DHRS3: variants seen among roughly 807,000 people sequenced by gnomAD.
The protein encoded by DHRS3 is short-chain dehydrogenase/reductase 3.
Under a neutral mutation model 27.2 loss-of-function variants are expected in DHRS3, and 14 were observed. The observed-to-expected ratio is 0.52, with a 90% CI of 0.34 to 0.81. The LOEUF is 0.81. DHRS3 is among the 30% of genes least tolerant of loss of function. The pLI is 0.01. For synonymous variants in DHRS3, 165 were observed against 175.9 expected (o/e 0.94, Z 0.49); for missense variants, 322 against 406.2 (o/e 0.79, Z 1.78).
At chr1:12,568,664 G>A (rs778248051) in intron 5 of DHRS3, among the ~76,000 whole-genome samples, 2 of 152,282 alleles carry the variant, frequency 1.3e-5, no homozygotes, top group East Asian at 3.9e-4. Flanking sequence ...GGTGGCTCAT[G>A]TCTATAATCC....
At chr1:12,579,538 C>A (rs1646625769) in intron 2 of DHRS3, 126 bp from the exon 3 acceptor site, 1 of 1,390,552 alleles carries the variant, frequency 7.2e-7, no homozygotes, top group Non-Finnish European at 9.5e-7. Flanking sequence ...TGCAGTGGCA[C>A]CATCTCGGCT....
chr1:12,599,354 G>A (rs1017738726), intron 1 of DHRS3, among the ~76,000 whole-genome samples: 6 of 152,218 alleles, frequency 3.9e-5, no homozygotes, highest in African/African-American at 1.2e-4. Flanking sequence ...CAGTTGAGGC[G>A]GGAATTTTCC....
Position 12,568,308 on chromosome 1 carries a change from C to T in DHRS3, c.*32G>A, listed in dbSNP as rs763998461. On this transcript the variant is annotated 3_prime_UTR_variant, in exon 6 of 6. Transcript: ENST00000616661. ...CCCAGGTGCTGTGGCCCCCAAACTCCGTGGCTCCTCAAGCATGTCTTCATC... is the reference window on the plus strand; with the variant it reads ...CCCAGGTGCTGTGGCCCCCAAACTCTGTGGCTCCTCAAGCATGTCTTCATC... 2.5e-5 allele frequency: 40 copies of T among 1,604,160 alleles called. No homozygotes were observed. The highest frequency in any genetic ancestry group is 3.3e-4 in the Middle Eastern group (2 of 6,060).
At chr1:12,587,141 C>CT (rs564825355) in intron 1 of DHRS3, among the ~76,000 whole-genome samples, 7,714 of 132,280 alleles carry the variant, frequency 0.058, 823 homozygotes, top group African/African-American at 0.19. Flanking sequence ...CAACTCTAAA[C>CT]TTTTTTTTTT....
chr1:12,582,829 G>A (rs535120707), intron 1 of DHRS3, among the ~76,000 whole-genome samples: 50 of 145,780 alleles, frequency 3.4e-4, no homozygotes, highest in African/African-American at 1.2e-3. Context: ...TCCCTCCCTC[G>A]TCTACCCAAC....
intron 1 of DHRS3, among the ~76,000 whole-genome samples, chr1:12,615,427 T>C (rs1389170596): frequency 6.6e-6 from 1 of 152,208 alleles, no homozygotes; most frequent in Non-Finnish European, 1.5e-5. Flanking sequence ...TAGGTGGGGT[T>C]TGGTTCCCGG....
intron 1 of DHRS3, among the ~76,000 whole-genome samples, chr1:12,582,828 C>T (rs948830323): frequency 3.3e-5 from 5 of 150,902 alleles, no homozygotes; most frequent in Non-Finnish European, 5.9e-5. Flanking sequence ...ATCCCTCCCT[C>T]GTCTACCCAA....
intron 1 of DHRS3, among the ~76,000 whole-genome samples, chr1:12,601,262 A>G (rs1057091061): frequency 6.6e-6 from 1 of 152,080 alleles, no homozygotes; most frequent in Non-Finnish European, 1.5e-5. Flanking sequence ...GAGTCTGGCC[A>G]TGACCCACAG....
Position 12,617,683 on chromosome 1 carries a change from G to T in DHRS3, c.-335C>A. ...TTCGGCTGGGGAATTCTCAGGTAAT[G>T]TTTACAGACTGACAGAGGAGTTTAG... On this transcript the variant is annotated 5_prime_UTR_variant, in exon 1 of 6. Transcript: ENST00000616661. 1 of 165,984 alleles carries T rather than the reference G, an allele frequency of 6.0e-6. No homozygotes were observed. Among genetic ancestry groups the T allele is most frequent in the Non-Finnish European group, 1.2e-5 (1 of 84,028 alleles). The allele number at this position is 165,984 out of a possible 1,614,324, so 10.3% of individuals were successfully genotyped here.
rs769618662 is a variant in DHRS3 at position 12,580,623 on chromosome 1, G to A, written c.239C>T (p.Thr80Met). The change falls in exon 2 of 6, where the codon ACG becomes ATG. Residue 80 changes from threonine to methionine, a missense_variant. Transcript: ENST00000616661. ...AGTGCCCATCTGCCGGATCTCCTCC[G>A]TCGTCTCCTTCAGGCATTTCTCAGT... ...GRTEKCLKET[T>M]EEIRQMGTEC... The A allele has an allele frequency of 1.1e-5, 17 of 1,614,036 alleles. No homozygotes were observed. The South Asian group carries it at 1.2e-4, about 11-fold the overall frequency.
At chr1:12,595,467 T>G (rs1270750345) in intron 1 of DHRS3, among the ~76,000 whole-genome samples, 3 of 101,066 alleles carry the variant, frequency 3.0e-5, no homozygotes, top group African/African-American at 1.1e-4. Context: ...GGGATCGGGC[T>G]GGGATCCCAA....
At chr1:12,615,808 G>C (rs189068364) in intron 1 of DHRS3, among the ~76,000 whole-genome samples, 34 of 152,298 alleles carry the variant, frequency 2.2e-4, no homozygotes, top group African/African-American at 7.0e-4. Flanking sequence ...GAACAACTCT[G>C]ACTTCCCCTT....
chr1:12,616,707 G>A (rs1646946931), intron 1 of DHRS3: 1 of 1,008,540 alleles, frequency 9.9e-7, no homozygotes, highest in Non-Finnish European at 1.2e-6. Context: ...CCCAGGTTGG[G>A]GCTGGGTAGC....
intron 1 of DHRS3, among the ~76,000 whole-genome samples, chr1:12,582,869 C>G (rs1424208780): frequency 6.7e-6 from 1 of 150,022 alleles, no homozygotes; most frequent in Non-Finnish European, 1.5e-5. Context: ...ATCCATCCAT[C>G]CATCCCTCCC....
intron 1 of DHRS3, among the ~76,000 whole-genome samples, chr1:12,614,912 G>T (rs1380537467): frequency 6.6e-6 from 1 of 152,018 alleles, no homozygotes; most frequent in African/African-American, 2.4e-5. Context: ...GCAGGCTGCG[G>T]GTGGCACTGG....
At chr1:12,583,362 T>C (rs1168499904) in intron 1 of DHRS3, among the ~76,000 whole-genome samples, 25 of 100,138 alleles carry the variant, frequency 2.5e-4, no homozygotes, top group Non-Finnish European at 3.4e-4. Context: ...CACCCACCCA[T>C]CCATTCCTCA....
chr1:12,597,658 C>A (rs1228949618), intron 1 of DHRS3, among the ~76,000 whole-genome samples: 2 of 152,178 alleles, frequency 1.3e-5, no homozygotes, highest in African/African-American at 4.8e-5. Context: ...TAATTGGGTG[C>A]CCAGTGACTG....
intron 1 of DHRS3, among the ~76,000 whole-genome samples, chr1:12,599,066 C>G (rs1646818482): frequency 6.6e-6 from 1 of 152,246 alleles, no homozygotes; most frequent in Admixed American, 6.5e-5. Context: ...ATGGACCAGC[C>G]TCTAAGGACA....
chr1:12,589,221 CCTGT>C (rs1352992051), intron 1 of DHRS3, among the ~76,000 whole-genome samples: 1 of 152,116 alleles, frequency 6.6e-6, no homozygotes, highest in Admixed American at 6.5e-5. Flanking sequence ...CTTTCACAAC[CCTGT>C]CTATTTCCAA....
Sources: gnomAD v4.1 joint callset for allele counts (sites outside exome capture counted in the v4.1 genomes callset) on GRCh38, gnomAD v4.1.1 for gene constraint, MANE v1.5 for transcripts, NCBI Gene and HGNC (gene_info 2026-07-23, HGNC 2026-07-21) for gene names.